The following SLC26A4 variants were observed in gnomAD, a reference collection of about 807,000 sequenced individuals.
SLC26A4 encodes the protein solute carrier family 26 member 4.
In SLC26A4, 93 loss-of-function variants were observed where a neutral mutation model predicts 90.4. That is an observed-to-expected ratio of 1.03 (90% CI 0.87 to 1.22). The LOEUF (loss-of-function observed/expected upper bound fraction) is 1.22. Among genes scored for constraint, SLC26A4 ranks in the 50% most tolerant of loss-of-function variants. The pLI, the probability that SLC26A4 is intolerant of heterozygous loss-of-function variation, is 0.00. For synonymous variants in SLC26A4, 393 were observed against 354.6 expected (o/e 1.11, Z -1.22); for missense variants, 1,127 against 946.2 (o/e 1.19, Z -2.51).
rs1562828616 is a variant in SLC26A4 at position 107,682,132 on chromosome 7, T to TAAAAAA, written c.766-1070_766-1069insAAAAAA. On this transcript the variant is annotated intron_variant, in intron 6 of 20. Transcript: ENST00000644269. ...AAAAAAAAAAAAAAAAAAAAAAAAT[T>TAAAAAA]TTTTTTATGTTATCTTAGTTCAAGT... Among the ~76,000 whole-genome samples, 32 of 107,360 alleles carry TAAAAAA rather than the reference T, an allele frequency of 3.0e-4. 1 individual carries two copies. The highest frequency in any genetic ancestry group is 8.0e-4 in the African/African-American group (23 of 28,728). 70.4% of individuals were successfully genotyped at this position (107,360 alleles called of 152,430 possible). A position where few individuals can be genotyped will look rare whatever the true frequency, so the allele number is the denominator to read the frequency against.
chr7:107,694,049 T>A (rs1340475836), intron 10 of SLC26A4, among the ~76,000 whole-genome samples: 2 of 152,162 alleles, frequency 1.3e-5, no homozygotes, highest in Non-Finnish European at 2.9e-5. Context: ...AAGGGGGGAT[T>A]GGTCCATGTT....
chr7:107,687,385 G>A (rs1196075461), intron 8 of SLC26A4, among the ~76,000 whole-genome samples: 2 of 152,208 alleles, frequency 1.3e-5, no homozygotes, highest in African/African-American at 4.8e-5. Flanking sequence ...TTAGGGTTCA[G>A]CAAGACAGCA....
intron 18 of SLC26A4, among the ~76,000 whole-genome samples, chr7:107,705,847 GT>G (rs1346006357): frequency 6.6e-6 from 1 of 152,170 alleles, no homozygotes; most frequent in African/African-American, 2.4e-5. Context: ...TTGGTTTGTA[GT>G]TTTATTGTCT....
intron 3 of SLC26A4, among the ~76,000 whole-genome samples, chr7:107,667,439 T>C (rs1365638147): frequency 9.8e-6 from 1 of 101,892 alleles, no homozygotes; most frequent in Non-Finnish European, 1.8e-5. Context: ...GAATGTGGGA[T>C]CAGAAGCCAA....
At chr7:107,672,467 A>C in intron 4 of SLC26A4, among the ~76,000 whole-genome samples, 1 of 151,418 alleles carries the variant, frequency 6.6e-6, no homozygotes, top group South Asian at 2.1e-4. Flanking sequence ...TGCTTTTTCT[A>C]TTCACTGATG....
chr7:107,713,159 G>A lies in SLC26A4; in HGVS notation c.2319+537G>A, dbSNP rs74935148. 3.8e-3 allele frequency among the ~76,000 whole-genome samples: 571 copies of A among 152,244 alleles called. 21 individuals are homozygous for A. The East Asian group carries it at 0.081, about 22-fold the overall frequency. ...GCATCTGAGTAAATTTTGCAGCTTC[G>A]CCACTGGATAAGAGGTGAACACTGA... On this transcript the variant is annotated intron_variant, in intron 20 of 20. Transcript: ENST00000644269.
In SLC26A4 at chr7:107,704,364, G is replaced by A. The variant is rs1791982047; in HGVS notation, c.2068G>A (p.Val690Met). The A allele has an allele frequency of 2.1e-6, 3 of 1,400,852 alleles. No individual in the cohort carries two copies. Among genetic ancestry groups the A allele is most frequent in the South Asian group, 1.2e-5 (1 of 85,328 alleles). 86.8% of individuals were successfully genotyped at this position (1,400,852 alleles called of 1,614,324 possible). ...AGAATTCCAAAGAATTGATGTGAATGTGTATTTTGCATCACTTCAAGGTAA... is the reference window on the plus strand; with the variant it reads ...AGAATTCCAAAGAATTGATGTGAATATGTATTTTGCATCACTTCAAGGTAA... ...VKEFQRIDVN[V>M]YFASLQDYVI... Residue 690 changes from valine (V) to methionine (M), a missense_variant, in exon 18 of 21, where the codon GTG (valine) becomes ATG (methionine). Physicochemically the swap from Val to Met is conservative, Grantham distance 21. Transcript: ENST00000644269.
chr7:107,674,115 A>G (rs1193254743), intron 4 of SLC26A4, 49 bp from the exon 5 acceptor site: 4 of 1,533,536 alleles, frequency 2.6e-6, no homozygotes, highest in Non-Finnish European at 3.6e-6. Flanking sequence ...GACACATTGA[A>G]CATTTGTGAT....
chr7:107,686,292 C>A (rs1261831697), intron 8 of SLC26A4, among the ~76,000 whole-genome samples: 6 of 88,672 alleles, frequency 6.8e-5, no homozygotes, highest in Non-Finnish European at 1.2e-4. Flanking sequence ...CCTCCCTTTC[C>A]TACCTTCCCT....
At chr7:107,708,167 A>G (rs1315075491) in intron 18 of SLC26A4, among the ~76,000 whole-genome samples, 1 of 152,194 alleles carries the variant, frequency 6.6e-6, no homozygotes, top group African/African-American at 2.4e-5. Context: ...TTAATGCTCA[A>G]TTTTTAGAAA....
At chr7:107,683,599 A>C (rs1302683331) in intron 8 of SLC26A4, 62 bp downstream of exon 8, 2 of 1,302,478 alleles carry the variant, frequency 1.5e-6, no homozygotes, top group African/African-American at 2.9e-5. Flanking sequence ...TTTTTTATTT[A>C]AATAAAACCT....
intron 8 of SLC26A4, among the ~76,000 whole-genome samples, chr7:107,686,296 C>A (rs1274304903): frequency 2.2e-5 from 1 of 45,044 alleles, no homozygotes; most frequent in Non-Finnish European, 5.0e-5. Context: ...CCTTTCCTAC[C>A]TTCCCTCCCT....
chr7:107,708,466 G>C (rs529450671), intron 18 of SLC26A4, among the ~76,000 whole-genome samples: 2 of 151,978 alleles, frequency 1.3e-5, no homozygotes, highest in Non-Finnish European at 2.9e-5. Flanking sequence ...CTACCTAGTG[G>C]TTCCTTCCTG....
chr7:107,694,792 C>T, intron 12 of SLC26A4, 76 bp downstream of exon 12: 1 of 965,134 alleles, frequency 1.0e-6, no homozygotes, highest in South Asian at 1.3e-5. Flanking sequence ...CACTATATTC[C>T]CCCCATCCCC....
chr7:107,694,642 A>T lies in SLC26A4; in HGVS notation c.1363A>T (p.Ile455Phe), dbSNP rs375576481. Residue 455 changes from isoleucine (I) to phenylalanine (F), a missense_variant, in exon 12 of 21, where the codon ATT becomes TTT. Coordinates refer to ENST00000644269, the MANE Select transcript of SLC26A4 (RefSeq NM_000441.2). The stretch of plus-strand genomic sequence containing the variant: ...GCAGTCGGTCTTGGCAGCTGTTGTA[A>T]TTGCCAACCTGAAAGGGATGTTTAT... ...LQKSVLAAVV[I>F]ANLKGMFMQL... 3,183 of 1,613,532 alleles carry T rather than the reference A, an allele frequency of 2.0e-3. 81 individuals are homozygous for T. The South Asian group carries it at 0.033, about 17-fold the overall frequency.
intron 8 of SLC26A4, 68 bp downstream of exon 8, chr7:107,683,605 A>C: frequency 8.0e-7 from 1 of 1,253,958 alleles, no homozygotes; most frequent in Non-Finnish European, 1.2e-6. Context: ...ATTTAAATAA[A>C]ACCTTTTATT....
intron 4 of SLC26A4, 135 bp from the exon 5 acceptor site, chr7:107,674,029 C>T (rs1790944281): frequency 1.1e-6 from 1 of 921,040 alleles, no homozygotes; most frequent in Non-Finnish European, 1.7e-6. Flanking sequence ...CTGGGTCCGG[C>T]TCAGCTTCTT....
In SLC26A4 at chr7:107,689,114, T is replaced by C. The variant is rs778967127; in HGVS notation, c.1063T>C (p.Ser355Pro). 1.9e-6 allele frequency: 3 copies of C among 1,614,018 alleles called. No individual in the cohort carries two copies. Among genetic ancestry groups the C allele is most frequent in the Non-Finnish European group, 1.7e-6 (2 of 1,179,884 alleles). The stretch of plus-strand genomic sequence containing the variant: ...CTCGGAGATGCTGGCTGCATCATTT[T>C]CCATCGCTGTGGTGGCTTATGCTAT... ...LFSEMLAASFSIAVVAYAIAV... is the reference protein window; with the variant it reads ...LFSEMLAASFPIAVVAYAIAV... Residue 355 changes from serine to proline, a missense_variant, in exon 9 of 21, where the codon TCC (serine) becomes CCC (proline). Coordinates refer to ENST00000644269, the MANE Select transcript of SLC26A4 (RefSeq NM_000441.2).
chr7:107,693,350 C>G (rs1791631735), intron 10 of SLC26A4: 6 of 985,268 alleles, frequency 6.1e-6, no homozygotes, highest in Non-Finnish European at 7.2e-6. Context: ...CAGGCTGACC[C>G]AACTATAATC....
Sources: allele counts gnomAD v4.1 joint callset (sites outside exome capture counted in the v4.1 genomes callset), GRCh38; gene constraint gnomAD v4.1.1; transcripts MANE v1.5; gene names NCBI Gene and HGNC (gene_info 2026-07-23, HGNC 2026-07-21).